CCDC170: variants seen among roughly 807,000 people sequenced by gnomAD.
CCDC170 encodes the protein coiled-coil domain containing 170.
In CCDC170, 69 loss-of-function variants were observed where a neutral mutation model predicts 72.6. The ratio of observed to expected loss-of-function variants is 0.95; its 90% CI spans 0.78 to 1.16. The LOEUF (loss-of-function observed/expected upper bound fraction) is 1.16. Among genes scored for constraint, CCDC170 ranks in the 50% most tolerant of loss-of-function variants. The pLI is 0.00. For missense variants in CCDC170, 852 were observed against 832.5 expected (o/e 1.02, Z -0.29); for synonymous variants, 300 against 303.9 (o/e 0.99, Z 0.13).
At chr6:151,596,067 C>T (rs1776616509) in intron 8 of CCDC170, among the ~76,000 whole-genome samples, 1 of 152,084 alleles carries the variant, frequency 6.6e-6, no homozygotes, top group Non-Finnish European at 1.5e-5. Flanking sequence ...TATGATGATG[C>T]ACATAATGTT....
intron 1 of CCDC170, among the ~76,000 whole-genome samples, chr6:151,495,643 A>G (rs1218342792): frequency 6.6e-6 from 1 of 152,094 alleles, no homozygotes; most frequent in Admixed American, 6.6e-5. Context: ...GACTCCAGGC[A>G]TGCCATGATG....
chr6:151,498,767 C>T (rs1562819831), intron 1 of CCDC170, among the ~76,000 whole-genome samples: 1 of 152,056 alleles, frequency 6.6e-6, no homozygotes, highest in Non-Finnish European at 1.5e-5. Context: ...TCTAGGCACG[C>T]TGTATAAGTA....
intron 9 of CCDC170, among the ~76,000 whole-genome samples, chr6:151,610,194 T>G (rs1026425917): frequency 6.6e-6 from 1 of 152,214 alleles, no homozygotes; most frequent in South Asian, 2.1e-4. Context: ...CAATGTAATG[T>G]CCCCATTTTA....
chr6:151,515,340 T>C (rs192848823), intron 1 of CCDC170, among the ~76,000 whole-genome samples: 2 of 152,328 alleles, frequency 1.3e-5, no homozygotes, highest in East Asian at 3.9e-4. Flanking sequence ...TGAAGTGCAA[T>C]GGTGTGATCT....
intron 1 of CCDC170, among the ~76,000 whole-genome samples, chr6:151,503,504 G>A (rs1303101570): frequency 6.6e-6 from 1 of 152,072 alleles, no homozygotes; most frequent in East Asian, 1.9e-4. Flanking sequence ...CCAGGCTGGA[G>A]TGCAATGGTG....
chr6:151,615,679 G>C lies in CCDC170; in HGVS notation c.1947G>C (p.Gln649His), dbSNP rs1487672515. ...AAGAAGCAGAAAAGAGAGAAAAGCA[G>C]GTGGGTCTAAATCTGGTGATGAAAC... ...SLEEAEKREK[Q>H]LADFREVVSQ... Residue 649 changes from glutamine (Q) to histidine (H), a missense_variant and splice_region_variant, in exon 10 of 11, where the codon CAG becomes CAC. Gln to His is a conservative substitution (Grantham distance 24). Transcript: ENST00000239374. 6.2e-7 allele frequency: 1 copy of C among 1,606,902 alleles called. No individual in the cohort carries two copies.
intron 9 of CCDC170, among the ~76,000 whole-genome samples, chr6:151,614,446 C>T (rs1165941555): frequency 2.0e-5 from 3 of 151,930 alleles, no homozygotes; most frequent in Non-Finnish European, 4.4e-5. Flanking sequence ...TAGTATGTGT[C>T]AGAATTTCAT....
chr6:151,573,079 A>G (rs1776246651), intron 5 of CCDC170, 95 bp from the exon 6 acceptor site: 2 of 1,139,728 alleles, frequency 1.8e-6, no homozygotes, highest in Admixed American at 2.2e-5. Context: ...CCTTGTAGTC[A>G]TTAGCAGGCA....
chr6:151,618,672 T>C lies in CCDC170; in HGVS notation c.*525T>C, dbSNP rs1329318062. 1 of 158,484 alleles carries C rather than the reference T, an allele frequency of 6.3e-6. No individual in the cohort carries two copies. Among genetic ancestry groups the C allele is most frequent in the Non-Finnish European group, 1.4e-5 (1 of 71,408 alleles). 9.8% of individuals were successfully genotyped at this position (158,484 alleles called of 1,614,324 possible). A position where few individuals can be genotyped will look rare whatever the true frequency, so the allele number is the denominator to read the frequency against. ...TTCTCCTGAATCTCTGTGATGCTGG[T>C]GGGAATTGTTTGCATAGAGGAAGGA... On this transcript the variant is annotated 3_prime_UTR_variant, in exon 11 of 11. Transcript: ENST00000239374.
At chr6:151,517,731 C>T (rs1009317865) in intron 1 of CCDC170, among the ~76,000 whole-genome samples, 9 of 152,126 alleles carry the variant, frequency 5.9e-5, no homozygotes, top group East Asian at 3.9e-4. Context: ...CGTGAGCCAC[C>T]GTGCCCGGCC....
At chr6:151,605,603 A>G (rs539971389) in intron 9 of CCDC170, among the ~76,000 whole-genome samples, 2 of 152,226 alleles carry the variant, frequency 1.3e-5, no homozygotes, top group African/African-American at 4.8e-5. Flanking sequence ...GATGTTGGGG[A>G]AGTTGGTTGT....
intron 9 of CCDC170, among the ~76,000 whole-genome samples, chr6:151,614,342 G>A (rs578173846): frequency 2.6e-5 from 4 of 151,936 alleles, no homozygotes; most frequent in Non-Finnish European, 4.4e-5. Context: ...CCTATTCTAC[G>A]TACTTCATAT....
intron 3 of CCDC170, among the ~76,000 whole-genome samples, chr6:151,541,865 AATATAT>A (rs1182684013): frequency 8.3e-6 from 1 of 120,166 alleles, no homozygotes; most frequent in Non-Finnish European, 1.7e-5. Context: ...TATAAATATA[AATATAT>A]ATATATATAT....
chr6:151,588,618 A>G (rs946408391), intron 7 of CCDC170, among the ~76,000 whole-genome samples: 4 of 152,118 alleles, frequency 2.6e-5, no homozygotes, highest in Non-Finnish European at 5.9e-5. Flanking sequence ...GATGTCTGTA[A>G]AGGTGTGATG....
At chr6:151,564,756 C>T (rs1017119041) in intron 5 of CCDC170, among the ~76,000 whole-genome samples, 2 of 152,094 alleles carry the variant, frequency 1.3e-5, no homozygotes, top group African/African-American at 4.8e-5. Flanking sequence ...AGAGTAATCC[C>T]CAAGTCCCCA....
chr6:151,536,459 A>G lies in CCDC170; in HGVS notation c.186+13A>G, dbSNP rs6931664. The stretch of plus-strand genomic sequence containing the variant: ...TGCTCAGTCTGAGGTAAGATAATGC[A>G]TTTCCAGCACTCAGAAATGGGCCTT... On this transcript the variant is annotated intron_variant, in intron 2 of 10. Coordinates refer to ENST00000239374, the MANE Select transcript of CCDC170 (RefSeq NM_025059.4). The G allele has an allele frequency of 0.55, 888,760 of 1,612,450 alleles. 255,824 individuals are homozygous for G. Among genetic ancestry groups the G allele is most frequent in the Non-Finnish European group, 0.6 (703,784 of 1,178,878 alleles).
At chr6:151,514,356 G>GGAGGGAAGGGAAGAAGC (rs1782200000) in intron 1 of CCDC170, among the ~76,000 whole-genome samples, 2 of 131,320 alleles carry the variant, frequency 1.5e-5, no homozygotes, top group African/African-American at 6.1e-5. Context: ...AGGGAGGGAG[G>GGAGGGAAGGGAAGAAGC]GAGGGAGGGA....
chr6:151,615,525 A>C lies in CCDC170; in HGVS notation c.1793A>C (p.Glu598Ala). ...DQLEKMKEKAEKKLMSVKSEL... is the reference protein window; with the variant it reads ...DQLEKMKEKAAKKLMSVKSEL... ...CTGGAGAAGATGAAGGAGAAAGCTG[A>C]GAAAAAGCTCATGTCTGTCAAGTCA... Residue 598 changes from glutamate to alanine, a missense_variant, in exon 10 of 11, where the codon GAG becomes GCG. By Grantham distance (107) the Glu-to-Ala change is moderately radical. Coordinates refer to ENST00000239374, the MANE Select transcript of CCDC170 (RefSeq NM_025059.4). 1 of 1,614,182 alleles carries C rather than the reference A, an allele frequency of 6.2e-7. No individual in the cohort carries two copies. Among genetic ancestry groups the C allele is most frequent in the Non-Finnish European group, 8.5e-7 (1 of 1,180,016 alleles).
chr6:151,496,542 T>G (rs1276093981), intron 1 of CCDC170, among the ~76,000 whole-genome samples: 1 of 152,220 alleles, frequency 6.6e-6, no homozygotes, highest in African/African-American at 2.4e-5. Flanking sequence ...GGGCAGAAAT[T>G]TCTCACTATA....
Sources: gnomAD v4.1 joint callset for allele counts (sites outside exome capture counted in the v4.1 genomes callset) on GRCh38, gnomAD v4.1.1 for gene constraint, MANE v1.5 for transcripts, NCBI Gene and HGNC (gene_info 2026-07-23, HGNC 2026-07-21) for gene names.